ST6GALNAC3: variants seen among roughly 807,000 people sequenced by gnomAD.
The protein encoded by ST6GALNAC3 is ST6 N-acetylgalactosaminide alpha-2,6-sialyltransferase 3, also known as alpha-N-acetylgalactosaminide alpha-2,6-sialyltransferase 3.
ST6GALNAC3 carries 25 observed loss-of-function variants against 32.7 expected under a neutral mutation model. The observed-to-expected ratio is 0.76, with a 90% confidence interval of 0.56 to 1.07. The LOEUF is 1.07. ST6GALNAC3 is among the 50% of genes least tolerant of loss of function. The pLI is 0.00. For missense variants in ST6GALNAC3, 355 were observed against 382.4 expected (o/e 0.93, Z 0.60); for synonymous variants, 129 against 133.1 (o/e 0.97, Z 0.21).
chr1:76,436,143 TTGTATTA>T (rs1656127154), intron 3 of ST6GALNAC3, among the ~76,000 whole-genome samples: 1 of 152,176 alleles, frequency 6.6e-6, no homozygotes, highest in African/African-American at 2.4e-5. Context: ...CCAATCTCTT[TTGTATTA>T]AAGCATTCGA....
intron 3 of ST6GALNAC3, among the ~76,000 whole-genome samples, chr1:76,565,698 C>T (rs958971218): frequency 1.1e-4 from 17 of 152,132 alleles, no homozygotes; most frequent in Non-Finnish European, 1.9e-4. Context: ...CTAACAGAAC[C>T]AGTTGTTCAA....
intron 3 of ST6GALNAC3, among the ~76,000 whole-genome samples, chr1:76,593,875 CA>C (rs960001200): frequency 6.6e-6 from 1 of 152,130 alleles, no homozygotes; most frequent in African/African-American, 2.4e-5. Flanking sequence ...ATCATAGGAA[CA>C]GGGATGGCAG....
chr1:76,482,568 A>G (rs2077584174), intron 3 of ST6GALNAC3, among the ~76,000 whole-genome samples: 1 of 152,096 alleles, frequency 6.6e-6, no homozygotes, highest in African/African-American at 2.4e-5. Context: ...ATTTTTAACA[A>G]TTTTTAATAA....
At chr1:76,221,701 G>C (rs971527461) in intron 1 of ST6GALNAC3, among the ~76,000 whole-genome samples, 1 of 152,028 alleles carries the variant, frequency 6.6e-6, no homozygotes, top group African/African-American at 2.4e-5. Flanking sequence ...AAACAAAAAA[G>C]GTTTAAGTAT....
intron 3 of ST6GALNAC3, among the ~76,000 whole-genome samples, chr1:76,469,388 T>C (rs1012102801): frequency 2.6e-4 from 39 of 152,006 alleles, no homozygotes; most frequent in African/African-American, 8.9e-4. Context: ...TTAGTAAATA[T>C]TGAATGAATT....
At chr1:76,205,882 T>C (rs918033802) in intron 1 of ST6GALNAC3, among the ~76,000 whole-genome samples, 10 of 152,220 alleles carry the variant, frequency 6.6e-5, no homozygotes. Flanking sequence ...AATGTCAGTG[T>C]TATTTTCCAT....
At chr1:76,502,942 G>A (rs957812947) in intron 3 of ST6GALNAC3, among the ~76,000 whole-genome samples, 7 of 152,164 alleles carry the variant, frequency 4.6e-5, no homozygotes, top group African/African-American at 1.7e-4. Context: ...TATGACAGAG[G>A]TGTAGGACTA....
chr1:76,559,439 T>C (rs1665117807), intron 3 of ST6GALNAC3, among the ~76,000 whole-genome samples: 1 of 152,176 alleles, frequency 6.6e-6, no homozygotes, highest in Non-Finnish European at 1.5e-5. Flanking sequence ...AGAGTAAATT[T>C]CCATGATCAT....
intron 3 of ST6GALNAC3, among the ~76,000 whole-genome samples, chr1:76,583,492 T>C (rs1646919598): frequency 6.6e-6 from 1 of 152,176 alleles, no homozygotes; most frequent in South Asian, 2.1e-4. Flanking sequence ...AAGGGCATTA[T>C]AAAACATCCC....
At chr1:76,198,085 T>C (rs1039948209) in intron 1 of ST6GALNAC3, among the ~76,000 whole-genome samples, 6 of 152,206 alleles carry the variant, frequency 3.9e-5, no homozygotes, top group Admixed American at 3.9e-4. Flanking sequence ...TCACCTAGGC[T>C]GGAGTGCACT....
chr1:76,303,510 T>A (rs1486853408), intron 1 of ST6GALNAC3, among the ~76,000 whole-genome samples: 1 of 152,070 alleles, frequency 6.6e-6, no homozygotes, highest in Non-Finnish European at 1.5e-5. Context: ...GGTACACCCC[T>A]GGTGAGAATC....
intron 1 of ST6GALNAC3, among the ~76,000 whole-genome samples, chr1:76,309,525 C>T (rs1054668338): frequency 5.3e-5 from 8 of 152,206 alleles, no homozygotes; most frequent in Admixed American, 3.9e-4. Flanking sequence ...CTTGAGGTCA[C>T]GATCTGGTGG....
chr1:76,530,363 G>A lies in ST6GALNAC3; in HGVS notation c.624-97089G>A, dbSNP rs1570125037. ...AGGCCCCCTCTGACATACTAAGTAA[G>A]GATTTGATTTGAAATAAATAAAAAT... On this transcript the variant is annotated intron_variant, in intron 3 of 4. Coordinates refer to ENST00000328299, the MANE Select transcript of ST6GALNAC3 (RefSeq NM_152996.4). Among the ~76,000 whole-genome samples, 3 of 152,210 alleles carry A rather than the reference G, an allele frequency of 2.0e-5. No homozygotes were observed. The South Asian group carries it at 6.2e-4, about 32-fold the overall frequency.
At chr1:76,171,462 G>A (rs192952035) in intron 1 of ST6GALNAC3, among the ~76,000 whole-genome samples, 29 of 150,054 alleles carry the variant, frequency 1.9e-4, no homozygotes, top group Middle Eastern at 3.4e-3. Flanking sequence ...TGATAGAGAC[G>A]TGAAAAATCC....
At chr1:76,490,578 G>GC (rs1174956081) in intron 3 of ST6GALNAC3, among the ~76,000 whole-genome samples, 2 of 151,276 alleles carry the variant, frequency 1.3e-5, no homozygotes, top group African/African-American at 4.8e-5. Flanking sequence ...AAATTATTTT[G>GC]CCACCTCTCC....
chr1:76,470,285 T>G (rs1658930575), intron 3 of ST6GALNAC3, among the ~76,000 whole-genome samples: 3 of 152,062 alleles, frequency 2.0e-5, no homozygotes, highest in African/African-American at 7.2e-5. Context: ...ACATAGATCA[T>G]AATATTTTTG....
In ST6GALNAC3 at chr1:76,590,582, ACTCT is replaced by A. The variant is rs796893605; in HGVS notation, c.624-36867_624-36864del. On this transcript the variant is annotated intron_variant, in intron 3 of 4. Transcript: ENST00000328299. ...GAGCTGAGAGAGCAAACAAAGACAAACTCTCTATGGATGTACTCATTTTTTTAAA... is the reference window on the plus strand; with the variant it reads ...GAGCTGAGAGAGCAAACAAAGACAAACTATGGATGTACTCATTTTTTTAAA... 4.4e-4 allele frequency among the ~76,000 whole-genome samples: 67 copies of A among 152,222 alleles called. 2 individuals carry two copies. Among genetic ancestry groups the A allele is most frequent in the African/African-American group, 1.3e-3 (54 of 41,558 alleles).
At chr1:76,364,418 T>C (rs1650206974) in intron 2 of ST6GALNAC3, among the ~76,000 whole-genome samples, 9 of 152,106 alleles carry the variant, frequency 5.9e-5, no homozygotes, top group Admixed American at 5.9e-4. Context: ...CAGGGTGTGG[T>C]GGCAGGTGCC....
At chr1:76,561,572 A>G (rs1665245305) in intron 3 of ST6GALNAC3, among the ~76,000 whole-genome samples, 1 of 152,188 alleles carries the variant, frequency 6.6e-6, no homozygotes, top group African/African-American at 2.4e-5. Flanking sequence ...CCACAATGAG[A>G]TACCACTTCA....
Sources: allele counts gnomAD v4.1 joint callset (sites outside exome capture counted in the v4.1 genomes callset), GRCh38; gene constraint gnomAD v4.1.1; transcripts MANE v1.5; gene names NCBI Gene and HGNC (gene_info 2026-07-23, HGNC 2026-07-21).